The following DCDC1 variants were observed in gnomAD, a reference collection of about 807,000 sequenced individuals.
DCDC1 encodes doublecortin domain containing 1, also known as doublecortin domain-containing protein 1.
DCDC1 carries 200 observed loss-of-function variants against 178.3 expected under a neutral mutation model. The observed-to-expected ratio is 1.12, with a 90% confidence interval of 1.00 to 1.26. DCDC1 has a LOEUF of 1.26. DCDC1 is among the 50% of genes most tolerant of loss of function. The pLI is 0.00. For missense variants in DCDC1, 1,983 were observed against 1,749.2 expected, an observed-to-expected ratio of 1.13 and a Z score of -2.38; for synonymous variants, 690 against 604.8, an observed-to-expected ratio of 1.14 and a Z score of -2.07.
At chr11:31,174,135 C>T (rs1210566696) in intron 9 of DCDC1, among the ~76,000 whole-genome samples, 1 of 152,124 alleles carries the variant, frequency 6.6e-6, no homozygotes, top group Non-Finnish European at 1.5e-5. Flanking sequence ...CAGAAAGGAG[C>T]CCCACCCTCC....
intron 9 of DCDC1, among the ~76,000 whole-genome samples, chr11:31,200,694 C>T (rs1971196355): frequency 6.6e-6 from 1 of 151,618 alleles, no homozygotes; most frequent in South Asian, 2.1e-4. Flanking sequence ...GATAGGCTGC[C>T]TTAGTAATTA....
chr11:30,965,613 T>TA (rs1342882173), intron 20 of DCDC1, among the ~76,000 whole-genome samples: 5 of 151,500 alleles, frequency 3.3e-5, no homozygotes, highest in African/African-American at 4.9e-5. Context: ...AATTTTTTTT[T>TA]ATTATACTCT....
At chr11:30,939,667 T>A (rs569465161) in intron 21 of DCDC1, among the ~76,000 whole-genome samples, 1 of 152,198 alleles carries the variant, frequency 6.6e-6, no homozygotes, top group African/African-American at 2.4e-5. Flanking sequence ...TGAAACTTTC[T>A]TCTCTTTAAT....
At chr11:31,368,069 C>T (rs1483778346) in intron 1 of DCDC1, among the ~76,000 whole-genome samples, 1 of 151,894 alleles carries the variant, frequency 6.6e-6, no homozygotes, top group East Asian at 1.9e-4. Context: ...TTCAATTAAC[C>T]GTGGAAATGT....
chr11:31,311,117 T>G (rs1447192255), intron 3 of DCDC1, among the ~76,000 whole-genome samples: 2 of 152,214 alleles, frequency 1.3e-5, no homozygotes, highest in African/African-American at 4.8e-5. Context: ...AATTACTTTC[T>G]TCAGTCTCTG....
At chr11:31,297,361 T>A (rs188660415) in intron 6 of DCDC1, among the ~76,000 whole-genome samples, 1 of 152,022 alleles carries the variant, frequency 6.6e-6, no homozygotes, top group East Asian at 1.9e-4. Context: ...CTAGCCATTT[T>A]TTTTTTAATT....
At chr11:30,928,925 A>G (rs1261253243) in intron 22 of DCDC1, among the ~76,000 whole-genome samples, 1 of 151,874 alleles carries the variant, frequency 6.6e-6, no homozygotes, top group Non-Finnish European at 1.5e-5. Context: ...CCAAATTTAA[A>G]ATTTTTAGAC....
intron 16 of DCDC1, among the ~76,000 whole-genome samples, chr11:31,092,555 C>G (rs1293702370): frequency 6.6e-6 from 1 of 152,182 alleles, no homozygotes; most frequent in Non-Finnish European, 1.5e-5. Context: ...TTCAATGCAG[C>G]TAAGTAACTT....
intron 20 of DCDC1, among the ~76,000 whole-genome samples, chr11:31,032,931 T>C (rs1205974698): frequency 1.3e-5 from 2 of 152,084 alleles, no homozygotes; most frequent in Non-Finnish European, 2.9e-5. Flanking sequence ...TTTTAAAAGA[T>C]AGCGGCGCCT....
chr11:31,098,160 T>C (rs893964249), intron 15 of DCDC1, among the ~76,000 whole-genome samples: 2 of 152,212 alleles, frequency 1.3e-5, no homozygotes, highest in Non-Finnish European at 2.9e-5. Flanking sequence ...ATTTTTCTGC[T>C]ATATTTTCCC....
At chr11:31,173,434 T>G (rs1370322902) in intron 9 of DCDC1, among the ~76,000 whole-genome samples, 1 of 152,180 alleles carries the variant, frequency 6.6e-6, no homozygotes, top group African/African-American at 2.4e-5. Context: ...CAAAAAGGAA[T>G]TTTAAGTTCT....
intron 9 of DCDC1, among the ~76,000 whole-genome samples, chr11:31,233,504 G>A (rs1424054086): frequency 1.3e-5 from 2 of 152,110 alleles, no homozygotes; most frequent in Non-Finnish European, 2.9e-5. Context: ...CTTTTTGGGG[G>A]TGGGGAGGTA....
At chr11:30,886,473 T>C (rs10742253) in intron 36 of DCDC1, among the ~76,000 whole-genome samples, 71,762 of 152,016 alleles carry the variant, frequency 0.47, 18,358 homozygotes, top group Middle Eastern at 0.59. Context: ...TCTGGGAAGT[T>C]GAAGATCAAG....
chr11:31,156,041 G>A (rs1466883319), intron 9 of DCDC1: 2 of 152,062 alleles, frequency 1.3e-5, no homozygotes, highest in Non-Finnish European at 2.9e-5. Context: ...AGCCCATTTG[G>A]GTCAGCAGTT....
At chr11:31,096,378 A>T (rs893003962) in intron 15 of DCDC1, among the ~76,000 whole-genome samples, 2 of 152,126 alleles carry the variant, frequency 1.3e-5, no homozygotes, top group African/African-American at 2.4e-5. Context: ...TTGCCATCAC[A>T]CTCAAAACTC....
chr11:31,106,929 C>A lies in DCDC1; in HGVS notation c.1619G>T (p.Gly540Val), dbSNP rs1308377642. 2 of 765,752 alleles carry A rather than the reference C, an allele frequency of 2.6e-6. No homozygotes were observed. The highest frequency in any genetic ancestry group is 2.7e-5 in the South Asian group (2 of 74,588). The allele number at this position is 765,752 out of a possible 1,614,324, so 47.4% of individuals were successfully genotyped here. ...GAGGCCTGGTGGGTTGATGGAAGAA[C>A]CTTGAAGCCTTTGATGAATCTTGAG... ...LLLKIHQRLQ[G>V]SSINPPGLNY... Residue 540 changes from glycine to valine, a missense_variant, in exon 13 of 39, where the codon GGT becomes GTT. Gly to Val is a moderately radical substitution (Grantham distance 109). Transcript: ENST00000684477.
chr11:31,336,448 C>T (rs545783142), intron 1 of DCDC1, among the ~76,000 whole-genome samples: 128 of 152,282 alleles, frequency 8.4e-4, no homozygotes, highest in African/African-American at 3.1e-3. Context: ...AGGAGGTGGA[C>T]ACAACACAGG....
In DCDC1 at chr11:30,931,793, T is replaced by C. The variant is rs1946944253; in HGVS notation, c.2875A>G (p.Ile959Val). 2 of 1,612,250 alleles carry C rather than the reference T, an allele frequency of 1.2e-6. No individual in the cohort carries two copies. Among genetic ancestry groups the C allele is most frequent in the Admixed American group, 1.7e-5 (1 of 59,802 alleles). ...TACTGCGTTTTCCGTCCAGGTGAGA[T>C]ATCTGGACCAAGGATAGTAACGGAT... ...NRSVTILGPD[I>V]SPGRKTQCTE... Residue 959 changes from isoleucine to valine, a missense_variant, in exon 22 of 39, where the codon ATC becomes GTC. By Grantham distance (29) the Ile-to-Val change is conservative. Transcript: ENST00000684477.
At chr11:31,219,642 A>G (rs972954155) in intron 9 of DCDC1, among the ~76,000 whole-genome samples, 1 of 152,204 alleles carries the variant, frequency 6.6e-6, no homozygotes, top group Non-Finnish European at 1.5e-5. Flanking sequence ...CTGGTTTATC[A>G]ACAAATATAC....
Sources: allele counts gnomAD v4.1 joint callset (sites outside exome capture counted in the v4.1 genomes callset), GRCh38; gene constraint gnomAD v4.1.1; transcripts MANE v1.5; gene names NCBI Gene and HGNC (gene_info 2026-07-23, HGNC 2026-07-21).